The following DHRSX variants were observed in gnomAD, a reference collection of about 807,000 sequenced individuals.
The protein encoded by DHRSX is dehydrogenase/reductase X-linked.
A neutral mutation model predicts 34.0 loss-of-function variants in DHRSX; 31 were observed. That is an observed-to-expected ratio of 0.91 (90% CI 0.69 to 1.23). The LOEUF is 1.23. Ranked by LOEUF, DHRSX falls within the 50% of genes most tolerant of loss-of-function variation. The pLI, the probability that DHRSX is intolerant of heterozygous loss-of-function variation, is 0.00. For synonymous variants in DHRSX, 201 were observed against 183.8 expected (o/e 1.09, Z -0.76); for missense variants, 414 against 428.1 (o/e 0.97, Z 0.29).
At chrX:2,283,280 A>G (rs1323089585) in intron 4 of DHRSX, among the ~76,000 whole-genome samples, 1 of 151,926 alleles carries the variant, frequency 6.6e-6, no homozygotes. Flanking sequence ...CCAACACTAA[A>G]AGAACATCCA....
At chrX:2,229,100 C>T (rs1394419222) in intron 6 of DHRSX, among the ~76,000 whole-genome samples, 1 of 152,104 alleles carries the variant, frequency 6.6e-6, no homozygotes, top group Admixed American at 6.6e-5. Flanking sequence ...TGAATGCAGA[C>T]GCTGTTAGTA....
intron 1 of DHRSX, among the ~76,000 whole-genome samples, chrX:2,451,170 G>T (rs1417377777): frequency 2.4e-4 from 36 of 151,682 alleles, no homozygotes; most frequent in East Asian, 1.2e-3. Flanking sequence ...GAGGCGGAGG[G>T]TGCAGTGAGC....
chrX:2,269,907 T>G (rs1326353913), intron 4 of DHRSX, among the ~76,000 whole-genome samples: 3 of 152,180 alleles, frequency 2.0e-5, no homozygotes, highest in African/African-American at 7.2e-5. Flanking sequence ...TATTTGTGTA[T>G]GTATATGTAC....
chrX:2,404,971 T>A (rs1259777249), intron 3 of DHRSX, among the ~76,000 whole-genome samples: 2 of 152,246 alleles, frequency 1.3e-5, no homozygotes, highest in African/African-American at 4.8e-5. Flanking sequence ...TGTGACATTG[T>A]ACACTGGGCT....
chrX:2,227,527 A>T (rs906354768), intron 6 of DHRSX, among the ~76,000 whole-genome samples: 4 of 137,316 alleles, frequency 2.9e-5, no homozygotes, highest in African/African-American at 1.1e-4. Flanking sequence ...GGAAGCAGAG[A>T]AGAAAGGAGG....
intron 6 of DHRSX, among the ~76,000 whole-genome samples, chrX:2,227,516 A>G (rs746521140): frequency 1.3e-4 from 18 of 138,264 alleles, no homozygotes; most frequent in African/African-American, 5.0e-4. Flanking sequence ...GGAGAGAGAA[A>G]GGAAGCAGAG....
At chrX:2,227,381 A>G (rs1246138602) in intron 6 of DHRSX, among the ~76,000 whole-genome samples, 2 of 151,288 alleles carry the variant, frequency 1.3e-5, no homozygotes, top group Non-Finnish European at 2.9e-5. Flanking sequence ...GGAAATAGAG[A>G]AAGGAATTAA....
intron 6 of DHRSX, among the ~76,000 whole-genome samples, chrX:2,224,456 G>C (rs1315764063): frequency 1.3e-5 from 2 of 152,054 alleles, no homozygotes; most frequent in Non-Finnish European, 2.9e-5. Context: ...CCGTTTTAGG[G>C]GGCAAGATAC....
chrX:2,451,191 G>C (rs6641714), intron 1 of DHRSX, among the ~76,000 whole-genome samples: 10,499 of 149,936 alleles, frequency 0.07, 461 homozygotes, highest in African/African-American at 0.11. Context: ...TGAGATCACA[G>C]CACTGCACTC....
chrX:2,370,299 G>A (rs1398307846), intron 3 of DHRSX, among the ~76,000 whole-genome samples: 4 of 151,832 alleles, frequency 2.6e-5, no homozygotes, highest in African/African-American at 9.7e-5. Context: ...AGCCTCCCCA[G>A]TAGCTGGGAT....
At chrX:2,364,713 TTATC>T (rs71783142) in intron 3 of DHRSX, among the ~76,000 whole-genome samples, 45,268 of 151,690 alleles carry the variant, frequency 0.3, 8,540 homozygotes, top group Non-Finnish European at 0.44. Context: ...TTACCATTTA[TTATC>T]TATCAAGTAC....
intron 3 of DHRSX, among the ~76,000 whole-genome samples, chrX:2,389,207 G>C (rs1348074662): frequency 6.6e-6 from 1 of 152,162 alleles, no homozygotes; most frequent in Non-Finnish European, 1.5e-5. Context: ...TAACCAGCCA[G>C]GAAGGGGTCA....
intron 5 of DHRSX, among the ~76,000 whole-genome samples, chrX:2,243,788 G>GTTTTGTTTTTTTTTT (rs2016203378): frequency 4.0e-5 from 1 of 25,168 alleles, no homozygotes; most frequent in Non-Finnish European, 1.1e-4. Flanking sequence ...TATGCTCCCT[G>GTTTTGTTTTTTTTTT]TTTTTTTTTT....
At chrX:2,258,887 C>T (rs2019447961) in intron 5 of DHRSX, among the ~76,000 whole-genome samples, 1 of 152,126 alleles carries the variant, frequency 6.6e-6, no homozygotes, top group South Asian at 2.1e-4. Flanking sequence ...GAATGCCTGT[C>T]ATCAATATTC....
intron 4 of DHRSX, among the ~76,000 whole-genome samples, chrX:2,276,357 C>A (rs1381643515): frequency 6.6e-6 from 1 of 152,162 alleles, no homozygotes; most frequent in Non-Finnish European, 1.5e-5. Context: ...CGGAATCTGT[C>A]TCTTCGCCAA....
chrX:2,284,867 C>T (rs964243882), intron 4 of DHRSX, among the ~76,000 whole-genome samples: 1 of 152,176 alleles, frequency 6.6e-6, no homozygotes, highest in African/African-American at 2.4e-5. Context: ...TATTCTATGT[C>T]TGAAGTATTT....
intron 1 of DHRSX, among the ~76,000 whole-genome samples, chrX:2,498,331 A>G (rs1260705483): frequency 1.3e-5 from 2 of 152,218 alleles, no homozygotes; most frequent in Admixed American, 6.5e-5. Context: ...ACAAAGTTCA[A>G]TGTTTCCTCA....
In DHRSX at chrX:2,268,612, TA is replaced by T. The variant is rs202215521; in HGVS notation, c.389-1666del. 9.2e-3 allele frequency among the ~76,000 whole-genome samples: 1,409 copies of T among 152,348 alleles called. 17 individuals carry two copies. Among genetic ancestry groups the T allele is most frequent in the African/African-American group, 0.032 (1,337 of 41,586 alleles). On this transcript the variant is annotated intron_variant, in intron 4 of 6. Coordinates refer to ENST00000334651, the MANE Select transcript of DHRSX (RefSeq NM_145177.3). ...TTTCAAATGCCTATAAATTTGTGCATATTTTCTTTTACATATGTGTTGTATG... is the reference window on the plus strand; with the variant it reads ...TTTCAAATGCCTATAAATTTGTGCATTTTTCTTTTACATATGTGTTGTATG...
chrX:2,226,488 C>T (rs1230642601), intron 6 of DHRSX, among the ~76,000 whole-genome samples: 3 of 152,150 alleles, frequency 2.0e-5, no homozygotes, highest in Non-Finnish European at 2.9e-5. Flanking sequence ...TGGACTGGCC[C>T]AGCCCTTTGT....
Sources: gnomAD v4.1 joint callset for allele counts (sites outside exome capture counted in the v4.1 genomes callset) on GRCh38, gnomAD v4.1.1 for gene constraint, MANE v1.5 for transcripts, NCBI Gene and HGNC (gene_info 2026-07-23, HGNC 2026-07-21) for gene names.